PEBP4: variants seen among roughly 807,000 people sequenced by gnomAD.
PEBP4 encodes phosphatidylethanolamine-binding protein 4.
PEBP4 carries 22 observed loss-of-function variants against 23.9 expected under a neutral mutation model. That is an observed-to-expected ratio of 0.92 (90% CI 0.66 to 1.31). The LOEUF is 1.31. Ranked by LOEUF, PEBP4 falls within the 40% of genes most tolerant of loss-of-function variation. The pLI, the probability that PEBP4 is intolerant of heterozygous loss-of-function variation, is 0.00. For missense variants in PEBP4, 324 were observed against 281.7 expected (o/e 1.15, Z -1.07); for synonymous variants, 112 against 99.3 (o/e 1.13, Z -0.76).
intron 3 of PEBP4, among the ~76,000 whole-genome samples, chr8:22,851,854 G>A (rs150590701): frequency 2.6e-5 from 4 of 152,156 alleles, no homozygotes; most frequent in Non-Finnish European, 5.9e-5. Context: ...TGGCATTTTC[G>A]TATTGTTAGG....
intron 3 of PEBP4, among the ~76,000 whole-genome samples, chr8:22,874,525 T>C (rs1267913493): frequency 1.3e-5 from 2 of 152,164 alleles, no homozygotes; most frequent in African/African-American, 4.8e-5. Context: ...ACCCTCTGTA[T>C]CTTCAAGCAT....
intron 3 of PEBP4, among the ~76,000 whole-genome samples, chr8:22,913,229 C>T (rs1159130955): frequency 1.3e-5 from 2 of 152,138 alleles, no homozygotes; most frequent in Non-Finnish European, 2.9e-5. Context: ...CCTGTCCTGA[C>T]TTTACCTTCT....
chr8:22,863,392 A>G (rs1218193720), intron 3 of PEBP4, among the ~76,000 whole-genome samples: 1 of 152,206 alleles, frequency 6.6e-6, no homozygotes, highest in Non-Finnish European at 1.5e-5. Context: ...TTGGTTGGAA[A>G]GCAGAGGCTG....
chr8:22,901,571 G>A (rs971761426), intron 3 of PEBP4, among the ~76,000 whole-genome samples: 2 of 152,084 alleles, frequency 1.3e-5, no homozygotes, highest in African/African-American at 4.8e-5. Flanking sequence ...CTCGACTAAG[G>A]CAACCTCCAG....
chr8:22,814,841 A>G (rs962360040), intron 4 of PEBP4, among the ~76,000 whole-genome samples: 1 of 152,222 alleles, frequency 6.6e-6, no homozygotes, highest in Non-Finnish European at 1.5e-5. Context: ...CCCTGGAAGC[A>G]TCTACCCATA....
chr8:22,736,899 A>G (rs1804873379), intron 4 of PEBP4, among the ~76,000 whole-genome samples: 1 of 152,164 alleles, frequency 6.6e-6, no homozygotes, highest in African/African-American at 2.4e-5. Flanking sequence ...ATCTTATTAG[A>G]ATACTAGTTC....
At chr8:22,809,017 G>A (rs192160141) in intron 4 of PEBP4, among the ~76,000 whole-genome samples, 1 of 152,216 alleles carries the variant, frequency 6.6e-6, no homozygotes, top group East Asian at 1.9e-4. Context: ...TCCTGGCCAG[G>A]CCCTGCCCTA....
chr8:22,755,402 C>T (rs942908516), intron 4 of PEBP4, among the ~76,000 whole-genome samples: 2 of 134,368 alleles, frequency 1.5e-5, no homozygotes, highest in Non-Finnish European at 3.0e-5. Flanking sequence ...GTGGCGTGAT[C>T]TCGGCTCATT....
chr8:22,864,882 C>T (rs1330056934), intron 3 of PEBP4, among the ~76,000 whole-genome samples: 1 of 152,234 alleles, frequency 6.6e-6, no homozygotes, highest in Non-Finnish European at 1.5e-5. Flanking sequence ...ACCCGCAGCG[C>T]ACCCCATCTG....
chr8:22,742,492 C>T (rs569658159), intron 4 of PEBP4, among the ~76,000 whole-genome samples: 19 of 152,292 alleles, frequency 1.2e-4, no homozygotes, highest in African/African-American at 3.6e-4. Context: ...TGGGCTTGCC[C>T]CTGCTGGACT....
chr8:22,876,208 G>A (rs1047765046), intron 3 of PEBP4, among the ~76,000 whole-genome samples: 1 of 152,128 alleles, frequency 6.6e-6, no homozygotes, highest in African/African-American at 2.4e-5. Flanking sequence ...ACTGGGCCTG[G>A]CCGACAGATG....
chr8:22,761,672 T>C (rs1445255979), intron 4 of PEBP4, among the ~76,000 whole-genome samples: 1 of 152,220 alleles, frequency 6.6e-6, no homozygotes, highest in Non-Finnish European at 1.5e-5. Flanking sequence ...GCTTTAAATG[T>C]ACTCTTCATA....
At chr8:22,895,514 G>A (rs957449251) in intron 3 of PEBP4, 1 of 152,104 alleles carries the variant, frequency 6.6e-6, no homozygotes, top group Non-Finnish European at 1.5e-5. Context: ...GACACATCTA[G>A]GTGGATTTTT....
At chr8:22,920,987 C>A (rs182779746) in intron 2 of PEBP4, among the ~76,000 whole-genome samples, 2 of 152,126 alleles carry the variant, frequency 1.3e-5, no homozygotes, top group Non-Finnish European at 2.9e-5. Flanking sequence ...AAGAAGGGCC[C>A]GAACAGCACC....
intron 2 of PEBP4, among the ~76,000 whole-genome samples, chr8:22,926,776 C>T (rs1052814139): frequency 6.6e-6 from 1 of 152,186 alleles, no homozygotes; most frequent in African/African-American, 2.4e-5. Flanking sequence ...TTTTCATGAA[C>T]AGTAATGTTT....
Position 22,846,298 on chromosome 8 carries a change from G to T in PEBP4, c.259-28563C>A, listed in dbSNP as rs114590151. Reference sequence around the variant, plus strand: ...AGAGTTCTGGTCCTGCACGACCAGGGCTGGCTCCTTCCTCTCCCTGTGCCA... The same window carrying T: ...AGAGTTCTGGTCCTGCACGACCAGGTCTGGCTCCTTCCTCTCCCTGTGCCA... On this transcript the variant is annotated intron_variant, in intron 3 of 6. Coordinates refer to ENST00000256404, the MANE Select transcript of PEBP4 (RefSeq NM_144962.3). 9.3e-4 allele frequency among the ~76,000 whole-genome samples: 142 copies of T among 152,322 alleles called. 2 individuals are homozygous for T. The highest frequency in any genetic ancestry group is 3.2e-3 in the African/African-American group (135 of 41,576).
chr8:22,719,612 G>A (rs1013174166), intron 6 of PEBP4, among the ~76,000 whole-genome samples: 2 of 152,248 alleles, frequency 1.3e-5, no homozygotes, highest in Non-Finnish European at 2.9e-5. Flanking sequence ...TAGGCAAGGC[G>A]GTGGCAGGTG....
intron 3 of PEBP4, among the ~76,000 whole-genome samples, chr8:22,826,631 TTAG>T (rs766367027): frequency 5.7e-4 from 87 of 152,278 alleles, no homozygotes; most frequent in Non-Finnish European, 9.8e-4. Flanking sequence ...CAGGATAACT[TTAG>T]TGTAAAAAGC....
intron 3 of PEBP4, among the ~76,000 whole-genome samples, chr8:22,908,390 A>G (rs928258427): frequency 7.0e-6 from 1 of 142,500 alleles, no homozygotes; most frequent in Admixed American, 7.1e-5. Context: ...ACAAACAAAC[A>G]AACAAAAAAA....
Sources: allele counts gnomAD v4.1 joint callset (sites outside exome capture counted in the v4.1 genomes callset), GRCh38; gene constraint gnomAD v4.1.1; transcripts MANE v1.5; gene names NCBI Gene and HGNC (gene_info 2026-07-23, HGNC 2026-07-21).